KIF15: variants seen among roughly 807,000 people sequenced by gnomAD.
KIF15 encodes kinesin-like protein KIF15.
In KIF15, 140 loss-of-function variants were observed where a neutral mutation model predicts 190.6. The ratio of observed to expected loss-of-function variants is 0.73; its 90% CI spans 0.64 to 0.84. The LOEUF (loss-of-function observed/expected upper bound fraction) is 0.84. KIF15 is among the 40% of genes least tolerant of loss of function. KIF15 has a pLI of 0.00. For missense variants in KIF15, 1,372 were observed against 1,584.4 expected (o/e 0.87, Z 2.28); for synonymous variants, 528 against 551.3 (o/e 0.96, Z 0.59).
At chr3:44,812,327 T>C (rs1165734533) in intron 18 of KIF15, 38 bp downstream of exon 18, 1 of 1,406,858 alleles carries the variant, frequency 7.1e-7, no homozygotes, top group African/African-American at 1.4e-5. Context: ...ATGTATGAAG[T>C]ACCCTCAAAT....
At chr3:44,768,859 G>T (rs1479899953) in intron 1 of KIF15, among the ~76,000 whole-genome samples, 1 of 152,138 alleles carries the variant, frequency 6.6e-6, no homozygotes, top group Non-Finnish European at 1.5e-5. Flanking sequence ...AAGGCGAGAA[G>T]AGACAAACTG....
chr3:44,773,215 C>T (rs1705717120), intron 1 of KIF15, among the ~76,000 whole-genome samples: 1 of 151,710 alleles, frequency 6.6e-6, no homozygotes, highest in Admixed American at 6.6e-5. Context: ...ACTTTAAATG[C>T]AGGGCTTGAA....
At position 44,792,609 on chromosome 3, in the gene KIF15, C is replaced by T. The variant is rs1270792931; in HGVS notation, c.640-1608C>T. Among the ~76,000 whole-genome samples the T allele has an allele frequency of 9.2e-5, 14 of 151,536 alleles. No individual in the cohort carries two copies. The East Asian group carries it at 1.2e-3, about 13-fold the overall frequency. On this transcript the variant is annotated intron_variant, in intron 7 of 34. Coordinates refer to ENST00000326047, the MANE Select transcript of KIF15 (RefSeq NM_020242.3). ...TTGCCCAGGCTGGAGCGGAATGGCC[C>T]GATCTTGGCTCACTGCAACTTCTAC...
chr3:44,838,184 C>T, intron 26 of KIF15, 91 bp from the exon 27 acceptor site: 1 of 1,350,366 alleles, frequency 7.4e-7, no homozygotes, highest in South Asian at 1.5e-5. Flanking sequence ...ATAAAACTTC[C>T]TTAGTCTGTT....
intron 4 of KIF15, among the ~76,000 whole-genome samples, chr3:44,778,748 G>A (rs1356928317): frequency 6.6e-6 from 1 of 151,888 alleles, no homozygotes; most frequent in East Asian, 1.9e-4. Flanking sequence ...GGAGGCTGAG[G>A]TGGATGGGTC....
At position 44,786,587 on chromosome 3, in the gene KIF15, G is replaced by A. The variant is rs760482409; in HGVS notation, c.639+13G>A. ...TGAAGCCTATCAGGTACCCTGCCATGAGTACTTAATTGGTGCTTAGGCAAC... is the reference window on the plus strand; with the variant it reads ...TGAAGCCTATCAGGTACCCTGCCATAAGTACTTAATTGGTGCTTAGGCAAC... On this transcript the variant is annotated intron_variant, in intron 7 of 34. Transcript: ENST00000326047. 6.2e-7 allele frequency: 1 copy of A among 1,600,010 alleles called. No individual in the cohort carries two copies.
chr3:44,865,381 T>A (rs1393710578), intron 6 of KIF15: 1 of 680,654 alleles, frequency 1.5e-6, no homozygotes, highest in Non-Finnish European at 2.4e-6. Flanking sequence ...AGTGTTTTGA[T>A]CATCTGTACA....
At chr3:44,813,634 T>G (rs1003772761) in intron 19 of KIF15, among the ~76,000 whole-genome samples, 1 of 150,540 alleles carries the variant, frequency 6.6e-6, no homozygotes, top group African/African-American at 2.4e-5. Context: ...TGTTTTGTTT[T>G]TTTTTTTTTT....
intron 16 of KIF15, 75 bp from the exon 17 acceptor site, chr3:44,810,771 C>CG: frequency 8.4e-7 from 1 of 1,193,588 alleles, no homozygotes; most frequent in Non-Finnish European, 1.2e-6. Context: ...ATTTTATCCT[C>CG]TCTATTCACA....
chr3:44,837,608 G>A (rs1485367794), intron 26 of KIF15, among the ~76,000 whole-genome samples: 3 of 151,788 alleles, frequency 2.0e-5, no homozygotes, highest in Non-Finnish European at 2.9e-5. Context: ...ACATATATAT[G>A]TGTGTGTATA....
chr3:44,779,581 T>C (rs1277200863), intron 4 of KIF15, among the ~76,000 whole-genome samples: 2 of 152,190 alleles, frequency 1.3e-5, no homozygotes, highest in Non-Finnish European at 2.9e-5. Context: ...ACACCTGTAA[T>C]CCCAGCACTT....
chr3:44,831,822 A>G (rs531444397), intron 26 of KIF15, among the ~76,000 whole-genome samples: 6 of 152,246 alleles, frequency 3.9e-5, no homozygotes, highest in Admixed American at 2.0e-4. Context: ...AAGCAATCCT[A>G]TATACTTTTA....
intron 14 of KIF15, among the ~76,000 whole-genome samples, chr3:44,803,483 A>C (rs936634108): frequency 6.6e-6 from 1 of 152,220 alleles, no homozygotes; most frequent in Non-Finnish European, 1.5e-5. Context: ...CTCTAGTTAC[A>C]TACTACTTTC....
intron 10 of KIF15, among the ~76,000 whole-genome samples, chr3:44,799,700 G>A (rs907288676): frequency 2.7e-5 from 4 of 146,980 alleles, no homozygotes; most frequent in African/African-American, 1.0e-4. Flanking sequence ...CCTTTTAGAA[G>A]TTGTCCTAAA....
rs1263549555 is a variant in KIF15 at position 44,814,989 on chromosome 3, A to G, written c.2462A>G (p.Tyr821Cys). Residue 821 changes from tyrosine to cysteine, a missense_variant, in exon 20 of 35, where the codon TAT (tyrosine) becomes TGT (cysteine). Coordinates refer to ENST00000326047, the MANE Select transcript of KIF15 (RefSeq NM_020242.3). Reference protein sequence around the residue: ...DKELSSVKLEYSSFKTNQEKE... With the variant: ...DKELSSVKLECSSFKTNQEKE... ...GAGCTTTCTTCAGTGAAATTGGAATATAGTTCATTCAAAACGAATCAGGAG... is the reference window on the plus strand; with the variant it reads ...GAGCTTTCTTCAGTGAAATTGGAATGTAGTTCATTCAAAACGAATCAGGAG... The G allele has an allele frequency of 4.3e-6, 7 of 1,613,534 alleles. No individual in the cohort carries two copies. The highest frequency in any genetic ancestry group is 5.9e-6 in the Non-Finnish European group (7 of 1,179,778).
At chr3:44,862,155 G>T in intron 6 of KIF15, 2 of 1,136,516 alleles carry the variant, frequency 1.8e-6, no homozygotes, top group Non-Finnish European at 2.2e-6. Context: ...TGCTGCGGGC[G>T]GGCGGGCGGG....
intron 14 of KIF15, among the ~76,000 whole-genome samples, chr3:44,804,077 G>A (rs1707388749): frequency 6.6e-6 from 1 of 152,040 alleles, no homozygotes; most frequent in African/African-American, 2.4e-5. Context: ...TGAACTTCTG[G>A]CTTCAAATGA....
At chr3:44,797,455 C>T in intron 8 of KIF15, 96 bp from the exon 9 acceptor site, 1 of 1,298,662 alleles carries the variant, frequency 7.7e-7, no homozygotes, top group Middle Eastern at 1.9e-4. Context: ...CTTGCCTTTT[C>T]ATCCAGAATT....
chr3:44,826,011 C>G (rs1697617914), intron 20 of KIF15, 28 bp from the exon 21 acceptor site: 1 of 1,544,346 alleles, frequency 6.5e-7, no homozygotes, highest in East Asian at 2.3e-5. Context: ...TGTTTATTTA[C>G]CATTTTTAAA....
Sources: allele counts gnomAD v4.1 joint callset (sites outside exome capture counted in the v4.1 genomes callset), GRCh38; gene constraint gnomAD v4.1.1; transcripts MANE v1.5; gene names NCBI Gene and HGNC (gene_info 2026-07-23, HGNC 2026-07-21).